The following EML4 variants were observed in gnomAD, a reference collection of about 807,000 sequenced individuals.
The protein encoded by EML4 is EMAP like 4.
EML4 carries 72 observed loss-of-function variants against 129.0 expected under a neutral mutation model. The observed-to-expected ratio is 0.56, with a 90% confidence interval of 0.46 to 0.68. EML4 has a LOEUF of 0.68. EML4 is among the 30% of genes least tolerant of loss of function. The pLI is 0.00. For missense variants in EML4, 1,363 were observed against 1,190.6 expected (o/e 1.14, Z -2.13); for synonymous variants, 532 against 405.0 (o/e 1.31, Z -3.77).
Position 42,303,311 on chromosome 2 carries a change from T to C in EML4, c.1768-4T>C. The C allele has an allele frequency of 6.2e-7, 1 of 1,614,138 alleles. No individual in the cohort carries two copies. Among genetic ancestry groups the C allele is most frequent in the South Asian group, 1.1e-5 (1 of 91,070 alleles). On this transcript the variant is annotated splice_region_variant and splice_polypyrimidine_tract_variant and intron_variant, in intron 15 of 22. Transcript: ENST00000318522. ...TTATAACAATGAGTGTCTTTCATTT[T>C]CAGGGTCATACAGATGAGCTTTGGG... is the stretch of plus-strand genomic sequence containing the variant.
chr2:42,325,342 A>G (rs2103826660), intron 19 of EML4, 125 bp from the exon 20 acceptor site: 1 of 611,026 alleles, frequency 1.6e-6, no homozygotes, highest in South Asian at 1.4e-5. Context: ...AGAGGGTGTG[A>G]CACTGCTTCC....
chr2:42,312,991 C>G (rs1386685349), intron 17 of EML4, among the ~76,000 whole-genome samples: 2 of 147,176 alleles, frequency 1.4e-5, no homozygotes, highest in East Asian at 3.9e-4. Flanking sequence ...CTCTGTCACC[C>G]AGGCTGGAGT....
intron 1 of EML4, among the ~76,000 whole-genome samples, chr2:42,223,862 C>T (rs1217605408): frequency 6.6e-6 from 1 of 152,116 alleles, no homozygotes; most frequent in Non-Finnish European, 1.5e-5. Flanking sequence ...CTTTTTACCC[C>T]TTCATTTGTG....
At chr2:42,324,571 A>C (rs1669688455) in intron 19 of EML4, among the ~76,000 whole-genome samples, 1 of 152,230 alleles carries the variant, frequency 6.6e-6, no homozygotes, top group Non-Finnish European at 1.5e-5. Flanking sequence ...GTGAGCCATG[A>C]TAGCACCATT....
At chr2:42,247,800 A>G (rs1227012698) in intron 2 of EML4, among the ~76,000 whole-genome samples, 3 of 152,102 alleles carry the variant, frequency 2.0e-5, no homozygotes, top group African/African-American at 4.8e-5. Flanking sequence ...ATAAGGAGCT[A>G]GATCTGTTAA....
At chr2:42,245,422 T>C in intron 1 of EML4, 83 bp from the exon 2 acceptor site, 1 of 1,314,926 alleles carries the variant, frequency 7.6e-7, no homozygotes, top group South Asian at 1.3e-5. Context: ...TTTGTAAGTC[T>C]TATGTGGGAT....
chr2:42,180,383 A>G (rs1670863498), intron 1 of EML4, among the ~76,000 whole-genome samples: 1 of 152,178 alleles, frequency 6.6e-6, no homozygotes, highest in Non-Finnish European at 1.5e-5. Flanking sequence ...GATTTCACAT[A>G]ACAATGTGGA....
At chr2:42,296,476 C>CT (rs1302706621) in intron 13 of EML4, among the ~76,000 whole-genome samples, 1 of 99,958 alleles carries the variant, frequency 1.0e-5, no homozygotes, top group African/African-American at 3.9e-5. Flanking sequence ...ACACCTTATA[C>CT]TTCTCTCTCT....
At chr2:42,264,262 G>A (rs1665929015) in intron 5 of EML4, among the ~76,000 whole-genome samples, 2 of 151,762 alleles carry the variant, frequency 1.3e-5, no homozygotes, top group Non-Finnish European at 2.9e-5. Flanking sequence ...CTACAGACGC[G>A]TGCCACCATG....
At position 42,274,431 on chromosome 2, in the gene EML4, A is replaced by C. The variant is rs1385169556; in HGVS notation, c.668-6419A>C. ...CCGAAGTTCTGCTGTTGCCTTTGAA[A>C]GGCTTTTTTTTTCTTTTTAAACAAT... On this transcript the variant is annotated intron_variant, in intron 6 of 22. Coordinates refer to ENST00000318522, the MANE Select transcript of EML4 (RefSeq NM_019063.5). Among the ~76,000 whole-genome samples the C allele has an allele frequency of 3.3e-5, 5 of 152,166 alleles. No individual in the cohort carries two copies. In the East Asian group the frequency reaches 9.6e-4, roughly 29 times the overall value.
chr2:42,251,578 G>A (rs1675769949), intron 2 of EML4, among the ~76,000 whole-genome samples: 1 of 152,232 alleles, frequency 6.6e-6, no homozygotes, highest in Non-Finnish European at 1.5e-5. Flanking sequence ...ATTTGATGGA[G>A]TACATGTAGT....
At chr2:42,246,821 A>C (rs1033387993) in intron 2 of EML4, among the ~76,000 whole-genome samples, 1 of 152,198 alleles carries the variant, frequency 6.6e-6, no homozygotes, top group Non-Finnish European at 1.5e-5. Context: ...CTGCTTACAG[A>C]GATGTCAAAT....
At chr2:42,244,734 T>A (rs1477648379) in intron 1 of EML4, among the ~76,000 whole-genome samples, 1 of 152,172 alleles carries the variant, frequency 6.6e-6, no homozygotes, top group Non-Finnish European at 1.5e-5. Context: ...CATTGTTGGT[T>A]AAGGTGATAG....
chr2:42,191,581 G>A (rs1288716575), intron 1 of EML4, among the ~76,000 whole-genome samples: 1 of 152,190 alleles, frequency 6.6e-6, no homozygotes, highest in Non-Finnish European at 1.5e-5. Context: ...GGATAGGGTA[G>A]TGCAGACATG....
At chr2:42,211,684 A>AT (rs1572551328) in intron 1 of EML4, among the ~76,000 whole-genome samples, 1 of 152,232 alleles carries the variant, frequency 6.6e-6, no homozygotes, top group East Asian at 1.9e-4. Flanking sequence ...AAACAGTGAC[A>AT]TTTAAGTTGG....
At chr2:42,303,958 C>T (rs911864001) in intron 16 of EML4, among the ~76,000 whole-genome samples, 2 of 152,006 alleles carry the variant, frequency 1.3e-5, no homozygotes, top group East Asian at 1.9e-4. Context: ...AAGTTAGCAG[C>T]GTAAAAGCTC....
At chr2:42,223,556 G>A (rs143412673) in intron 1 of EML4, among the ~76,000 whole-genome samples, 16 of 152,146 alleles carry the variant, frequency 1.1e-4, no homozygotes, top group Non-Finnish European at 1.9e-4. Flanking sequence ...TTTTACTGTA[G>A]CAGGTCATCT....
chr2:42,175,824 A>G (rs923200820), intron 1 of EML4, among the ~76,000 whole-genome samples: 2 of 152,204 alleles, frequency 1.3e-5, no homozygotes, highest in Non-Finnish European at 2.9e-5. Flanking sequence ...ATAAAACACC[A>G]TAGAAAGGAA....
At chr2:42,203,938 A>G (rs1033061440) in intron 1 of EML4, among the ~76,000 whole-genome samples, 2 of 152,130 alleles carry the variant, frequency 1.3e-5, no homozygotes, top group African/African-American at 4.8e-5. Context: ...TTTCCCCCAA[A>G]GAGATGGAGT....
Sources: allele counts gnomAD v4.1 joint callset (sites outside exome capture counted in the v4.1 genomes callset), GRCh38; gene constraint gnomAD v4.1.1; transcripts MANE v1.5; gene names NCBI Gene and HGNC (gene_info 2026-07-23, HGNC 2026-07-21).